Variants in SRPX observed in about 807,000 individuals in gnomAD.
SRPX encodes the protein sushi repeat containing protein X-linked.
Under a neutral mutation model 38.1 loss-of-function variants are expected in SRPX, and 24 were observed. The observed-to-expected ratio is 0.63, with a 90% CI of 0.46 to 0.89. The LOEUF is 0.89. SRPX is among the 40% of genes least tolerant of loss of function. The pLI is 0.00. For synonymous variants in SRPX, 184 were observed against 153.8 expected (o/e 1.20, Z -1.45); for missense variants, 416 against 377.8 (o/e 1.10, Z -0.84).
intron 1 of SRPX, among the ~76,000 whole-genome samples, chrX:38,209,907 C>A (rs1159797411): frequency 9.0e-6 from 1 of 111,593 alleles, no homozygotes; most frequent in Non-Finnish European, 1.9e-5. Context: ...GGTTTTTTTT[C>A]TTCCCCACTT....
chrX:38,192,692 A>G (rs1367711626), intron 1 of SRPX, among the ~76,000 whole-genome samples: 2 of 112,384 alleles, frequency 1.8e-5, no homozygotes, highest in Non-Finnish European at 3.8e-5. Flanking sequence ...GCCTGCAGGC[A>G]TGTTGGCCCC....
intron 1 of SRPX, among the ~76,000 whole-genome samples, chrX:38,213,700 T>C (rs1442486576): frequency 8.9e-6 from 1 of 111,892 alleles, no homozygotes; most frequent in Non-Finnish European, 1.9e-5. Context: ...GGATCACGGT[T>C]CTGCAGGTTG....
intron 1 of SRPX, among the ~76,000 whole-genome samples, chrX:38,204,213 G>A (rs770984556): frequency 3.6e-5 from 4 of 111,663 alleles, no homozygotes; most frequent in Non-Finnish European, 5.6e-5. Context: ...ATACTAGCAA[G>A]GTTTTGCAGA....
At position 38,174,187 on chromosome X, in the gene SRPX, G is replaced by A. The variant is rs760575466; in HGVS notation, c.322C>T (p.Arg108Ter). 15 of 1,112,632 alleles carry A rather than the reference G, an allele frequency of 1.3e-5. No homozygotes were observed. Among genetic ancestry groups the A allele is most frequent in the South Asian group, 2.4e-5 (1 of 40,915 alleles). The allele number at this position is 1,112,632 out of a possible 1,213,427, so 91.7% of individuals were successfully genotyped here. A position where few individuals can be genotyped will look rare whatever the true frequency, so the allele number is the denominator to read the frequency against. The change falls in exon 3 of 10, where the codon CGA (arginine) becomes TGA (stop). Residue 108 changes from arginine to a stop codon, truncating the protein, a stop_gained. Transcript: ENST00000378533. LOFTEE classifies it high-confidence loss of function. ...SSLLICQSNK[R>*]WSDKVICKQK... ...TTGCAGATGACCTTGTCAGACCATC[G>A]TTTGTTTGACTGGCAGATCAGTAGG...
intron 1 of SRPX, among the ~76,000 whole-genome samples, chrX:38,182,629 TG>T (rs1938692897): frequency 8.9e-6 from 1 of 111,786 alleles, no homozygotes; most frequent in Non-Finnish European, 1.9e-5. Context: ...GCAAGTAAAA[TG>T]AAGTCTGCTT....
intron 7 of SRPX, among the ~76,000 whole-genome samples, chrX:38,159,613 C>T (rs1210979861): frequency 8.9e-6 from 1 of 112,752 alleles, no homozygotes; most frequent in Admixed American, 9.3e-5. Flanking sequence ...ATTCCAAATG[C>T]CCAAAGTCTA....
intron 5 of SRPX, 152 bp from the exon 6 acceptor site, chrX:38,161,206 C>A: frequency 1.6e-6 from 1 of 611,899 alleles, no homozygotes; most frequent in South Asian, 5.2e-5. Flanking sequence ...AATAGAATCT[C>A]CTAAGCTTTA....
In SRPX at chrX:38,177,168, A is replaced by T. The variant is rs148318811; in HGVS notation, c.157+1117T>A. On this transcript the variant is annotated intron_variant, in intron 2 of 9. Coordinates refer to ENST00000378533, the MANE Select transcript of SRPX (RefSeq NM_006307.5). Reference sequence around the variant, plus strand: ...AAAAATCTAAACCCATAAATAGTTAAGAAGTTTTGCGAATTAGAACCTTTC... The same window carrying T: ...AAAAATCTAAACCCATAAATAGTTATGAAGTTTTGCGAATTAGAACCTTTC... 9.6e-3 allele frequency among the ~76,000 whole-genome samples: 1,079 copies of T among 112,040 alleles called. 13 individuals are homozygous for T. Among genetic ancestry groups the T allele is most frequent in the African/African-American group, 0.033 (1,019 of 30,851 alleles).
chrX:38,177,672 T>C (rs923786064), intron 2 of SRPX, among the ~76,000 whole-genome samples: 1 of 111,181 alleles, frequency 9.0e-6, no homozygotes, highest in African/African-American at 3.3e-5. Flanking sequence ...GTTTCACCAG[T>C]AGAAATATTT....
chrX:38,210,119 C>T (rs1450921409), intron 1 of SRPX, among the ~76,000 whole-genome samples: 1 of 112,519 alleles, frequency 8.9e-6, no homozygotes, highest in Non-Finnish European at 1.9e-5. Context: ...CTTGAGTGTA[C>T]ATAAGAATCA....
intron 3 of SRPX, 40 bp downstream of exon 3, chrX:38,174,120 G>C (rs1253230400): frequency 1.0e-6 from 1 of 988,477 alleles, no homozygotes; most frequent in Non-Finnish European, 1.3e-6. Context: ...CTTTGGCTCT[G>C]GTCATCCCTG....
At chrX:38,155,093 G>T (rs17147133) in intron 8 of SRPX, among the ~76,000 whole-genome samples, 4 of 109,219 alleles carry the variant, frequency 3.7e-5, no homozygotes, top group Non-Finnish European at 5.7e-5. Context: ...AGTCAACCAC[G>T]AGGAGGGCTC....
Position 38,199,435 on chromosome X carries a change from TA to T in SRPX, c.98-21092del, listed in dbSNP as rs771482342. Among the ~76,000 whole-genome samples the T allele has an allele frequency of 3.5e-3, 383 of 109,075 alleles. 5 individuals carry two copies. The highest frequency in any genetic ancestry group is 5.1e-3 in the Non-Finnish European group (268 of 52,402). 94.7% of individuals were successfully genotyped at this position (109,075 alleles called of 115,157 possible). On this transcript the variant is annotated intron_variant, in intron 1 of 9. Coordinates refer to ENST00000378533, the MANE Select transcript of SRPX (RefSeq NM_006307.5). ...AAATAATAATAATAATTAAAAAAAA[TA>T]AAAAAAGTGTGATATTTCAGAGGTG...
chrX:38,158,970 A>G (rs1301214633), intron 7 of SRPX, among the ~76,000 whole-genome samples: 2 of 111,363 alleles, frequency 1.8e-5, no homozygotes, highest in Non-Finnish European at 3.8e-5. Context: ...ACAGAGAGAG[A>G]CTACATCTCA....
At chrX:38,201,396 G>A (rs1257423654) in intron 1 of SRPX, among the ~76,000 whole-genome samples, 1 of 110,942 alleles carries the variant, frequency 9.0e-6, no homozygotes, top group Non-Finnish European at 1.9e-5. Context: ...AAAAAAAAAA[G>A]GTCACAATAT....
At chrX:38,195,169 G>C (rs1362865363) in intron 1 of SRPX, among the ~76,000 whole-genome samples, 5 of 109,881 alleles carry the variant, frequency 4.6e-5, no homozygotes, top group Non-Finnish European at 9.5e-5. Context: ...CACTTTACCC[G>C]GCTGTAAATA....
chrX:38,152,582 G>T (rs1254851956), intron 9 of SRPX, among the ~76,000 whole-genome samples: 2 of 112,158 alleles, frequency 1.8e-5, no homozygotes, highest in African/African-American at 3.2e-5. Flanking sequence ...TCTGATGGAG[G>T]TTAAAAATTT....
At chrX:38,209,330 ACTCACCCTCAAGC>A (rs1486076313) in intron 1 of SRPX, among the ~76,000 whole-genome samples, 8 of 111,341 alleles carry the variant, frequency 7.2e-5, no homozygotes, top group African/African-American at 2.6e-4. Flanking sequence ...CTTCCTCCCA[ACTCACCCTCAAGC>A]CTCACTATCA....
chrX:38,178,412 T>A (rs1296152352), intron 1 of SRPX, 68 bp from the exon 2 acceptor site: 2 of 970,206 alleles, frequency 2.1e-6, no homozygotes, highest in African/African-American at 3.8e-5. Flanking sequence ...TTTCAAAGCA[T>A]TCCTTTGCCA....
Sources: allele counts gnomAD v4.1 joint callset (sites outside exome capture counted in the v4.1 genomes callset), GRCh38; gene constraint gnomAD v4.1.1; transcripts MANE v1.5; gene names NCBI Gene and HGNC (gene_info 2026-07-23, HGNC 2026-07-21).